Variants in CHRNA7 observed in about 807,000 individuals in gnomAD.
CHRNA7 encodes the protein neuronal acetylcholine receptor subunit alpha-7.
Under a neutral mutation model 48.0 loss-of-function variants are expected in CHRNA7, and 17 were observed. The observed-to-expected ratio is 0.35, with a 90% CI of 0.24 to 0.53. CHRNA7 has a LOEUF of 0.53. CHRNA7 is among the 20% of genes least tolerant of loss of function. The pLI, the probability that CHRNA7 is intolerant of heterozygous loss-of-function variation, is 0.92. For missense variants in CHRNA7, 155 were observed against 577.7 expected (o/e 0.27, Z 7.50); for synonymous variants, 75 against 242.3 (o/e 0.31, Z 6.41).
At chr15:32,072,269 A>G (rs889312400) in intron 2 of CHRNA7, among the ~76,000 whole-genome samples, 4 of 152,234 alleles carry the variant, frequency 2.6e-5, no homozygotes. Context: ...TCTAAGCAGC[A>G]AAGCATTTAA....
chr15:32,092,994 T>C (rs1054876337), intron 2 of CHRNA7, among the ~76,000 whole-genome samples: 6 of 152,210 alleles, frequency 3.9e-5, no homozygotes, highest in African/African-American at 1.4e-4. Flanking sequence ...TCTGGCTGTG[T>C]GTATAGGTGT....
intron 2 of CHRNA7, among the ~76,000 whole-genome samples, chr15:32,071,242 G>GT: frequency 6.6e-6 from 1 of 152,076 alleles, no homozygotes; most frequent in Middle Eastern, 3.4e-3. Context: ...TTTCAAAGTT[G>GT]TTTCAGCTAC....
At chr15:32,113,968 G>A (rs879414708) in intron 4 of CHRNA7, among the ~76,000 whole-genome samples, 6 of 147,114 alleles carry the variant, frequency 4.1e-5, no homozygotes, top group Admixed American at 2.1e-4. Context: ...AGTGAGCTTT[G>A]ATTATATCAC....
rs559194310 is a variant in CHRNA7 at position 32,138,884 on chromosome 15, G to T, written c.351-15023G>T. ...TTCTCCCACCTCAGCCTCCTGAGTGGCTGGGACTACAGGTGCACGCCACCA... is the reference window on the plus strand; with the variant it reads ...TTCTCCCACCTCAGCCTCCTGAGTGTCTGGGACTACAGGTGCACGCCACCA... On this transcript the variant is annotated intron_variant, in intron 4 of 9. Transcript: ENST00000306901. Among the ~76,000 whole-genome samples, 13 of 152,212 alleles carry T rather than the reference G, an allele frequency of 8.5e-5. No homozygotes were observed. In the South Asian group the frequency reaches 2.7e-3, roughly 32 times the overall value.
chr15:32,057,061 T>A (rs963001411), intron 2 of CHRNA7, among the ~76,000 whole-genome samples: 1 of 152,202 alleles, frequency 6.6e-6, no homozygotes, highest in African/African-American at 2.4e-5. Flanking sequence ...TTGTCTTACT[T>A]GGCATGGGGT....
At chr15:32,075,586 CTT>C (rs2050124773) in intron 2 of CHRNA7, among the ~76,000 whole-genome samples, 1 of 151,994 alleles carries the variant, frequency 6.6e-6, no homozygotes, top group African/African-American at 2.4e-5. Context: ...AATCTTCTCT[CTT>C]TTTTCTTTAT....
chr15:32,106,392 A>G (rs539173758), intron 3 of CHRNA7, among the ~76,000 whole-genome samples: 1 of 152,276 alleles, frequency 6.6e-6, no homozygotes, highest in South Asian at 2.1e-4. Context: ...TAAAAAAAAG[A>G]AAAAAACTCT....
intron 2 of CHRNA7, among the ~76,000 whole-genome samples, chr15:32,075,335 C>G (rs539762747): frequency 3.9e-5 from 6 of 152,182 alleles, no homozygotes; most frequent in African/African-American, 9.6e-5. Flanking sequence ...GGCTTAGAGA[C>G]TTTATTTTTA....
intron 4 of CHRNA7, among the ~76,000 whole-genome samples, chr15:32,138,531 C>A (rs1469382510): frequency 6.7e-6 from 1 of 150,002 alleles, no homozygotes; most frequent in East Asian, 2.0e-4. Context: ...GCAGACACAT[C>A]ATTACCACCC....
intron 2 of CHRNA7, among the ~76,000 whole-genome samples, chr15:32,066,689 A>G (rs1482330224): frequency 6.6e-6 from 1 of 152,348 alleles, no homozygotes; most frequent in East Asian, 1.9e-4. Flanking sequence ...AACAGAGTCA[A>G]TAGGAATTGT....
chr15:32,146,416 T>C (rs1400294465), intron 4 of CHRNA7, among the ~76,000 whole-genome samples: 1 of 152,186 alleles, frequency 6.6e-6, no homozygotes, highest in Non-Finnish European at 1.5e-5. Flanking sequence ...TATATGAATT[T>C]CAGTAGTAAT....
chr15:32,030,761 G>A (rs750023622), intron 1 of CHRNA7, 112 bp downstream of exon 1: 49 of 1,511,210 alleles, frequency 3.2e-5, no homozygotes, highest in Non-Finnish European at 4.0e-5. Flanking sequence ...CGCCGCCGGG[G>A]AGGGGCAGCG....
At position 32,048,317 on chromosome 15, in the gene CHRNA7, G is replaced by A. The variant is rs182060870; in HGVS notation, c.195+17280G>A. Among the ~76,000 whole-genome samples, 5 of 152,284 alleles carry A rather than the reference G, an allele frequency of 3.3e-5. No homozygotes were observed. In the East Asian group the frequency reaches 9.6e-4, roughly 29 times the overall value. Reference sequence around the variant, plus strand: ...TCTGGTCCTGGACTCTTTCTGGTTGGTAAGCTATTGATTATTGCCACAATT... The same window carrying A: ...TCTGGTCCTGGACTCTTTCTGGTTGATAAGCTATTGATTATTGCCACAATT... On this transcript the variant is annotated intron_variant, in intron 2 of 9. Transcript: ENST00000306901.
chr15:32,043,715 T>TA (rs1412346267), intron 2 of CHRNA7, among the ~76,000 whole-genome samples: 1 of 152,168 alleles, frequency 6.6e-6, no homozygotes, highest in Non-Finnish European at 1.5e-5. Flanking sequence ...TATAAGATTA[T>TA]AATTGTCTTT....
Position 32,138,726 on chromosome 15 carries a change from C to CTGTTGTTTTGTTT in CHRNA7, c.351-15177_351-15176insGTTTTGTTTTGTT, listed in dbSNP as rs1212817087. Among the ~76,000 whole-genome samples, 15 of 73,478 alleles carry CTGTTGTTTTGTTT rather than the reference C, an allele frequency of 2.0e-4. No individual in the cohort carries two copies. The East Asian group carries it at 8.1e-3, about 39-fold the overall frequency. The allele number at this position is 73,478 out of a possible 152,430, so 48.2% of individuals were successfully genotyped here. A position where few individuals can be genotyped will look rare whatever the true frequency, so the allele number is the denominator to read the frequency against. On this transcript the variant is annotated intron_variant, in intron 4 of 9. Coordinates refer to ENST00000306901, the MANE Select transcript of CHRNA7 (RefSeq NM_000746.6). ...TCTGCAATCCATGGCAGCCATTGAC[C>CTGTTGTTTTGTTT]TGTTATGTTTTGTTTTGTTTTGTTT...
intron 4 of CHRNA7, among the ~76,000 whole-genome samples, chr15:32,142,792 A>G (rs547270388): frequency 3.9e-5 from 6 of 151,950 alleles, no homozygotes; most frequent in African/African-American, 9.7e-5. Flanking sequence ...TATTGCGTCT[A>G]TTTGATTTTT....
intron 4 of CHRNA7, among the ~76,000 whole-genome samples, chr15:32,131,066 T>C (rs2141317068): frequency 6.6e-6 from 1 of 152,258 alleles, no homozygotes; most frequent in Middle Eastern, 3.4e-3. Flanking sequence ...GTTTTGTTTT[T>C]CCCCCTTACG....
intron 2 of CHRNA7, among the ~76,000 whole-genome samples, chr15:32,033,874 C>T (rs1231883115): frequency 6.6e-6 from 1 of 152,154 alleles, no homozygotes; most frequent in Non-Finnish European, 1.5e-5. Context: ...AGCAGAGATT[C>T]CTGACTGGAG....
At chr15:32,032,140 C>G (rs1901872546) in intron 2 of CHRNA7, among the ~76,000 whole-genome samples, 1 of 152,212 alleles carries the variant, frequency 6.6e-6, no homozygotes, top group Non-Finnish European at 1.5e-5. Flanking sequence ...ACATTGCCTC[C>G]TTTCCAACGC....
Sources: gnomAD v4.1 joint callset for allele counts (sites outside exome capture counted in the v4.1 genomes callset) on GRCh38, gnomAD v4.1.1 for gene constraint, MANE v1.5 for transcripts, NCBI Gene and HGNC (gene_info 2026-07-23, HGNC 2026-07-21) for gene names.